Variants in KIF26A observed in about 807,000 individuals in gnomAD.
The protein encoded by KIF26A is kinesin family member 26A, also known as kinesin-like protein KIF26A.
Under a neutral mutation model 126.0 loss-of-function variants are expected in KIF26A, and 74 were observed. That is an observed-to-expected ratio of 0.59 (90% CI 0.49 to 0.71). The LOEUF (loss-of-function observed/expected upper bound fraction) is 0.71. KIF26A is among the 30% of genes least tolerant of loss of function. The probability of loss-of-function intolerance (pLI) is 0.00; values close to 1 mark genes in which losing one functional copy is unlikely to be tolerated. For missense variants in KIF26A, 2,984 were observed against 2,763.3 expected (o/e 1.08, Z -1.79); for synonymous variants, 1,445 against 1,232.7 (o/e 1.17, Z -3.61).
In KIF26A at chr14:104,176,372, G is replaced by A; in HGVS notation, c.3584G>A (p.Gly1195Glu). The A allele has an allele frequency of 6.3e-7, 1 of 1,584,138 alleles. No individual in the cohort carries two copies. The highest frequency in any genetic ancestry group is 8.6e-7 in the Non-Finnish European group (1 of 1,162,474). ...CGACCCGGCAGGGAGCCCCAGGCCG[G>A]GCCCTCGCGGTGGGCATCCGCAGCC... ...PSRPGREPQA[G>E]PSRWASAAQT... Residue 1195 changes from glycine to glutamate, a missense_variant, in exon 12 of 15, where the codon GGG (glycine) becomes GAG (glutamate). Gly to Glu is a moderately conservative substitution (Grantham distance 98). Coordinates refer to ENST00000423312, the MANE Select transcript of KIF26A (RefSeq NM_015656.2).
rs1027886965 is a variant in KIF26A, at chr14:104,173,503, C to A, written c.1857C>A (p.Gly619=). Residue 619 remains glycine (G), a synonymous_variant, in exon 9 of 15, where the codon GGC becomes GGA. Transcript: ENST00000423312. ...ACCAGTACCGCATGGAGAAGTGCGGCCGGGGAGGAAGTAGGTGCCACACCC... is the reference window on the plus strand; with the variant it reads ...ACCAGTACCGCATGGAGAAGTGCGGACGGGGAGGAAGTAGGTGCCACACCC... ...HVYQYRMEKC[G]RGGMSGGRSR... is the part of the protein sequence containing the mutation. 1 of 1,561,450 alleles carries A rather than the reference C, an allele frequency of 6.4e-7. No homozygotes were observed. Among genetic ancestry groups the A allele is most frequent in the Non-Finnish European group, 8.7e-7 (1 of 1,149,530 alleles).
At chr14:104,150,750 C>T (rs2037721805) in intron 2 of KIF26A, among the ~76,000 whole-genome samples, 1 of 152,182 alleles carries the variant, frequency 6.6e-6, no homozygotes, top group African/African-American at 2.4e-5. Flanking sequence ...GGCAACATGG[C>T]CAGCCATCGA....
At chr14:104,164,775 ATC>A (rs879320210) in intron 4 of KIF26A, among the ~76,000 whole-genome samples, 2 of 147,914 alleles carry the variant, frequency 1.4e-5, no homozygotes, top group East Asian at 2.0e-4. Flanking sequence ...CTGTGTGTGC[ATC>A]TCTGTGTGTG....
chr14:104,172,739 T>C, intron 7 of KIF26A, 71 bp downstream of exon 7: 3 of 1,249,686 alleles, frequency 2.4e-6, no homozygotes, highest in East Asian at 2.5e-5. Flanking sequence ...CGGTGGTTGC[T>C]GGCAGCTTCT....
At chr14:104,165,459 G>GTGTGTGTGTGTGTGTGTCTCTGTATGCA (rs748780476) in intron 4 of KIF26A, among the ~76,000 whole-genome samples, 4 of 147,308 alleles carry the variant, frequency 2.7e-5, no homozygotes, top group Non-Finnish European at 6.0e-5. Context: ...TTCTGTATGC[G>GTGTGTGTGTGTGTGTGTCTCTGTATGCA]TGTGTGTGTG....
At chr14:104,173,625 A>C in intron 9 of KIF26A, 81 bp from the exon 10 acceptor site, 1 of 1,550,566 alleles carries the variant, frequency 6.4e-7, no homozygotes, top group Non-Finnish European at 8.7e-7. Context: ...GGTTGTCCCC[A>C]GCTTGGGCCT....
rs535248482 is a variant in KIF26A at position 104,159,561 on chromosome 14, G to C, written c.923+1619G>C. 5.9e-5 allele frequency among the ~76,000 whole-genome samples: 9 copies of C among 152,346 alleles called. No homozygotes were observed. In the East Asian group the frequency reaches 1.7e-3, roughly 29 times the overall value. The stretch of plus-strand genomic sequence containing the variant: ...CCTGGCTGCCTTTTGTTTGGGAGCC[G>C]AGGCCGGTGCCGCTTGCCAGCCGCG... On this transcript the variant is annotated intron_variant, in intron 4 of 14. Transcript: ENST00000423312.
intron 2 of KIF26A, among the ~76,000 whole-genome samples, chr14:104,150,828 G>A (rs748521635): frequency 6.6e-6 from 1 of 152,212 alleles, no homozygotes; most frequent in African/African-American, 2.4e-5. Context: ...GACCCCTGTC[G>A]GGTGGTGTTC....
intron 13 of KIF26A, 129 bp downstream of exon 13, chr14:104,178,884 T>G: frequency 1.6e-6 from 1 of 617,086 alleles, no homozygotes; most frequent in Non-Finnish European, 2.7e-6. Context: ...CCTCACTTTC[T>G]GTCCACGTTC....
chr14:104,165,996 G>A (rs1439267998), intron 4 of KIF26A, among the ~76,000 whole-genome samples: 36 of 152,140 alleles, frequency 2.4e-4, no homozygotes, highest in Admixed American at 2.4e-3. Context: ...GGGGGCTTTG[G>A]GAGACTCTGC....
chr14:104,154,059 A>C (rs1416668371), intron 3 of KIF26A, among the ~76,000 whole-genome samples: 1 of 152,270 alleles, frequency 6.6e-6, no homozygotes, highest in Non-Finnish European at 1.5e-5. Flanking sequence ...TTTAGGATTC[A>C]GATGAGGTAA....
chr14:104,155,261 A>T (rs954696896), intron 3 of KIF26A, among the ~76,000 whole-genome samples: 1 of 152,060 alleles, frequency 6.6e-6, no homozygotes, highest in African/African-American at 2.4e-5. Flanking sequence ...AACCTTACAG[A>T]TGCGTTTGGG....
chr14:104,146,931 G>T (rs776021112), intron 2 of KIF26A, among the ~76,000 whole-genome samples: 4 of 152,110 alleles, frequency 2.6e-5, no homozygotes, highest in Non-Finnish European at 4.4e-5. Flanking sequence ...TGGCAGCCTC[G>T]TAGGAGGGGC....
intron 6 of KIF26A, 27 bp downstream of exon 6, chr14:104,171,962 C>G: frequency 1.3e-6 from 2 of 1,538,222 alleles, no homozygotes; most frequent in Non-Finnish European, 1.8e-6. Context: ...TGGGCGTCCT[C>G]CCGGAGACCC....
intron 4 of KIF26A, 149 bp downstream of exon 4, chr14:104,158,091 G>A (rs1176709582): frequency 9.1e-6 from 7 of 767,460 alleles, no homozygotes; most frequent in African/African-American, 7.4e-5. Flanking sequence ...GACCACAGCT[G>A]CTGAGCCGCT....
At chr14:104,157,725 T>G (rs1375919301) in intron 3 of KIF26A, 30 bp from the exon 4 acceptor site, 6 of 1,599,274 alleles carry the variant, frequency 3.8e-6, no homozygotes, top group African/African-American at 1.3e-5. Flanking sequence ...GCCCTTGCGT[T>G]CCTTATACGC....
At position 104,177,769 on chromosome 14, in the gene KIF26A, G is replaced by T; in HGVS notation, c.4981G>T (p.Glu1661Ter). Reference protein sequence around the residue: ...FHHSGGSSGYESLRRDSEATG... With the variant: ...FHHSGGSSGY The stretch of plus-strand genomic sequence containing the variant: ...CCACAGCGGTGGCAGCAGTGGCTAT[G>T]AGAGCCTGCGGCGCGACAGCGAGGC... The change falls in exon 12 of 15, where the codon GAG becomes TAG. Residue 1661 changes from glutamate (E) to a stop codon, truncating the protein, a stop_gained. Transcript: ENST00000423312. LOFTEE classifies it high-confidence loss of function. 6.5e-7 allele frequency: 1 copy of T among 1,548,164 alleles called. No individual in the cohort carries two copies. Among genetic ancestry groups the T allele is most frequent in the South Asian group, 1.2e-5 (1 of 84,924 alleles).
Position 104,171,452 on chromosome 14 carries a change from C to T in KIF26A, c.1114-271C>T, listed in dbSNP as rs139423640. Among the ~76,000 whole-genome samples the T allele has an allele frequency of 2.0e-4, 31 of 152,312 alleles. No homozygotes were observed. The East Asian group carries it at 5.8e-3, about 28-fold the overall frequency. ...TCTCACGGAGGCGCCCGGAGCCCGC[C>T]GCCCCCTCATTCTCTGTGCCGCACA... On this transcript the variant is annotated intron_variant, in intron 5 of 14. Transcript: ENST00000423312.
intron 3 of KIF26A, among the ~76,000 whole-genome samples, chr14:104,155,723 G>T (rs543867490): frequency 3.9e-5 from 6 of 152,372 alleles, no homozygotes; most frequent in Middle Eastern, 3.4e-3. Flanking sequence ...GCCGAGGCGC[G>T]TGCCGGACTC....
Sources: gnomAD v4.1 joint callset for allele counts (sites outside exome capture counted in the v4.1 genomes callset) on GRCh38, gnomAD v4.1.1 for gene constraint, MANE v1.5 for transcripts, NCBI Gene and HGNC (gene_info 2026-07-23, HGNC 2026-07-21) for gene names.